Variants in FSHR observed in about 807,000 individuals in gnomAD.
The protein encoded by FSHR is follicle stimulating hormone receptor.
In FSHR, 46 loss-of-function variants were observed where a neutral mutation model predicts 52.1. The ratio of observed to expected loss-of-function variants is 0.88; its 90% confidence interval spans 0.70 to 1.13. FSHR has a LOEUF of 1.13. FSHR is among the 50% of genes most tolerant of loss of function. The pLI is 0.00. For missense variants in FSHR, 964 were observed against 834.6 expected, an observed-to-expected ratio of 1.16 and a Z score of -1.91; for synonymous variants, 399 against 309.6, an observed-to-expected ratio of 1.29 and a Z score of -3.03.
At chr2:48,981,945 T>C (rs1348375231) in intron 8 of FSHR, among the ~76,000 whole-genome samples, 1 of 152,232 alleles carries the variant, frequency 6.6e-6, no homozygotes, top group East Asian at 1.9e-4. Context: ...AGTAAAACTG[T>C]AGATTTATTA....
chr2:49,089,658 A>G (rs1447372137), intron 1 of FSHR, among the ~76,000 whole-genome samples: 2 of 152,214 alleles, frequency 1.3e-5, no homozygotes, highest in South Asian at 4.1e-4. Context: ...CAAAGAAAGT[A>G]TGTCTCCAAT....
intron 4 of FSHR, among the ~76,000 whole-genome samples, chr2:49,008,878 G>T (rs1667166094): frequency 6.6e-6 from 1 of 150,854 alleles, no homozygotes; most frequent in African/African-American, 2.4e-5. Context: ...GGGGTTGTTT[G>T]TTTTTTTCTT....
intron 2 of FSHR, among the ~76,000 whole-genome samples, chr2:49,025,853 G>A (rs12620153): frequency 2.0e-4 from 30 of 152,194 alleles, no homozygotes; most frequent in Non-Finnish European, 3.4e-4. Flanking sequence ...TCTGCTGACC[G>A]CATAAAGGAG....
intron 9 of FSHR, among the ~76,000 whole-genome samples, chr2:48,965,751 T>G (rs1446532943): frequency 6.6e-6 from 1 of 152,244 alleles, no homozygotes; most frequent in Non-Finnish European, 1.5e-5. Context: ...TTTTAAATAT[T>G]GTGCTTCTCT....
intron 2 of FSHR, among the ~76,000 whole-genome samples, chr2:49,035,543 C>T (rs545626785): frequency 4.2e-4 from 64 of 152,282 alleles, no homozygotes; most frequent in Non-Finnish European, 7.2e-4. Context: ...CTCCAGCTTC[C>T]CTAAGTGGCA....
chr2:48,984,436 G>A (rs1675396508), intron 6 of FSHR, among the ~76,000 whole-genome samples: 1 of 152,142 alleles, frequency 6.6e-6, no homozygotes. Flanking sequence ...ACAGGATTCA[G>A]CAAACTTTTT....
rs939118826 is a variant in FSHR at position 49,044,207 on chromosome 2, G to C, written c.224+24012C>G. ...GAGCTACTAGTAAGAATGAATATGA[G>C]AATATAAGTGATATGCTGTTTTTTT... On this transcript the variant is annotated intron_variant, in intron 2 of 9. Transcript: ENST00000406846. Among the ~76,000 whole-genome samples, 4 of 152,258 alleles carry C rather than the reference G, an allele frequency of 2.6e-5. No individual in the cohort carries two copies. In the East Asian group the frequency reaches 7.7e-4, roughly 29 times the overall value.
chr2:49,120,078 T>G (rs940167190), intron 1 of FSHR, among the ~76,000 whole-genome samples: 2 of 152,178 alleles, frequency 1.3e-5, no homozygotes, highest in African/African-American at 2.4e-5. Context: ...CAGACCCACC[T>G]GGCCAACATG....
chr2:49,098,426 A>G (rs1670903671), intron 1 of FSHR, among the ~76,000 whole-genome samples: 1 of 152,128 alleles, frequency 6.6e-6, no homozygotes, highest in Non-Finnish European at 1.5e-5. Flanking sequence ...TCCTAGAAGA[A>G]GTGATGCTTG....
At chr2:48,983,015 G>A (rs1675322682) in intron 7 of FSHR, 29 bp from the exon 8 acceptor site, 1 of 1,611,024 alleles carries the variant, frequency 6.2e-7, no homozygotes, top group Non-Finnish European at 8.5e-7. Flanking sequence ...AAAGAAGAAG[G>A]AAAACACAAA....
intron 2 of FSHR, among the ~76,000 whole-genome samples, chr2:49,033,352 C>T (rs1196062648): frequency 1.3e-5 from 2 of 152,244 alleles, no homozygotes; most frequent in Admixed American, 6.5e-5. Context: ...AGTTTATAAC[C>T]TGCCAAGAAG....
rs147089907 is a variant in FSHR at position 49,048,302 on chromosome 2, G to GAA, written c.224+19915_224+19916dup. Among the ~76,000 whole-genome samples the GAA allele has an allele frequency of 5.9e-3, 889 of 151,604 alleles. 8 individuals are homozygous for GAA. The highest frequency in any genetic ancestry group is 0.019 in the African/African-American group (803 of 41,346). ...ATAAATAAAAAGTGGTTTTCTTATA[G>GAA]AAAAAAAACCTGGGGCTCTGAAAAG... On this transcript the variant is annotated intron_variant, in intron 2 of 9. Coordinates refer to ENST00000406846, the MANE Select transcript of FSHR (RefSeq NM_000145.4).
chr2:49,142,176 C>T (rs1183719322), intron 1 of FSHR, among the ~76,000 whole-genome samples: 1 of 152,104 alleles, frequency 6.6e-6, no homozygotes, highest in Non-Finnish European at 1.5e-5. Context: ...GAAATCTTTG[C>T]CATCATTCAA....
intron 1 of FSHR, among the ~76,000 whole-genome samples, chr2:49,090,224 T>C (rs542663586): frequency 6.6e-6 from 1 of 152,222 alleles, no homozygotes; most frequent in South Asian, 2.1e-4. Context: ...AATCGGGATA[T>C]GGAACAGCTC....
chr2:49,056,134 C>G (rs1435007799), intron 2 of FSHR, among the ~76,000 whole-genome samples: 1 of 151,842 alleles, frequency 6.6e-6, no homozygotes, highest in Non-Finnish European at 1.5e-5. Context: ...AAGTCCTCAC[C>G]TATTAATAAT....
chr2:49,086,338 A>C (rs977799084), intron 1 of FSHR, among the ~76,000 whole-genome samples: 2 of 152,176 alleles, frequency 1.3e-5, no homozygotes, highest in Non-Finnish European at 2.9e-5. Context: ...AGATGTAGCA[A>C]CCCTGAGCTA....
At chr2:49,023,770 G>A (rs1297668841) in intron 2 of FSHR, among the ~76,000 whole-genome samples, 3 of 152,142 alleles carry the variant, frequency 2.0e-5, no homozygotes, top group South Asian at 4.1e-4. Context: ...GGGGATTAGG[G>A]AAGATGACTT....
Position 48,988,967 on chromosome 2 carries a change from C to T in FSHR, c.524+10G>A, listed in dbSNP as rs1282817633. The T allele has an allele frequency of 1.2e-6, 2 of 1,610,050 alleles. No individual in the cohort carries two copies. Among genetic ancestry groups the T allele is most frequent in the East Asian group, 4.5e-5 (2 of 44,832 alleles). On this transcript the variant is annotated intron_variant, in intron 6 of 9. Transcript: ENST00000406846. ...ATGTTACTCTGTTGGATTTTTTCCC[C>T]CTTACTTACAGAATCACACTTTCAA...
chr2:48,983,273 T>C, intron 6 of FSHR, 107 bp from the exon 7 acceptor site: 1 of 988,084 alleles, frequency 1.0e-6, no homozygotes, highest in Non-Finnish European at 1.6e-6. Flanking sequence ...GTTAGTGGCA[T>C]AAAGAAAATG....
Sources: allele counts gnomAD v4.1 joint callset (sites outside exome capture counted in the v4.1 genomes callset), GRCh38; gene constraint gnomAD v4.1.1; transcripts MANE v1.5; gene names NCBI Gene and HGNC (gene_info 2026-07-23, HGNC 2026-07-21).